MDH2: variants seen among roughly 807,000 people sequenced by gnomAD.
The protein encoded by MDH2 is malate dehydrogenase 2, also known as malate dehydrogenase, mitochondrial.
In MDH2, 25 loss-of-function variants were observed where a neutral mutation model predicts 33.6. The observed-to-expected ratio is 0.74, with a 90% CI of 0.54 to 1.04. The LOEUF is 1.04. MDH2 is among the 50% of genes least tolerant of loss of function. The pLI is 0.00. For missense variants in MDH2, 432 were observed against 445.0 expected (o/e 0.97, Z 0.26); for synonymous variants, 193 against 188.7 (o/e 1.02, Z -0.19).
intron 4 of MDH2, chr7:76,058,324 A>C (rs1797847531): frequency 4.2e-6 from 2 of 478,848 alleles, no homozygotes; most frequent in East Asian, 3.2e-5. Context: ...CTGTGGGCAG[A>C]CCACGTCTCT....
At chr7:76,058,578 G>C (rs1797854718) in intron 4 of MDH2, among the ~76,000 whole-genome samples, 1 of 152,128 alleles carries the variant, frequency 6.6e-6, no homozygotes, top group Non-Finnish European at 1.5e-5. Flanking sequence ...GCATAAACTA[G>C]GCACAGTAAG....
At chr7:76,048,395 G>A (rs1417350088) in intron 1 of MDH2, 169 bp downstream of exon 1, 2 of 1,170,470 alleles carry the variant, frequency 1.7e-6, no homozygotes, top group African/African-American at 3.3e-5. Context: ...CTGGCCTGGA[G>A]GTGCGGGGGA....
chr7:76,050,736 A>T (rs1797597295), intron 1 of MDH2, among the ~76,000 whole-genome samples: 1 of 152,158 alleles, frequency 6.6e-6, no homozygotes. Context: ...AATTCTGGGT[A>T]TTCATTGATG....
At chr7:76,051,330 T>C (rs1289511757) in intron 1 of MDH2, among the ~76,000 whole-genome samples, 1 of 151,194 alleles carries the variant, frequency 6.6e-6, no homozygotes, top group Non-Finnish European at 1.5e-5. Context: ...TTTTTTTTTT[T>C]TTTTTTTTGA....
At chr7:76,058,165 G>C in intron 4 of MDH2, 87 bp downstream of exon 4, 1 of 1,233,998 alleles carries the variant, frequency 8.1e-7, no homozygotes, top group Non-Finnish European at 1.1e-6. Context: ...TGCAGCAAAG[G>C]CTGCTGATGT....
intron 8 of MDH2, chr7:76,065,208 T>C (rs1456581231): frequency 4.8e-6 from 2 of 418,860 alleles, no homozygotes; most frequent in Admixed American, 3.8e-5. Flanking sequence ...TGCAGGAGTA[T>C]TGACTGATAA....
intron 1 of MDH2, among the ~76,000 whole-genome samples, chr7:76,049,249 T>A (rs187369145): frequency 6.6e-6 from 1 of 152,326 alleles, no homozygotes; most frequent in East Asian, 1.9e-4. Flanking sequence ...CGAGTTTAAC[T>A]TTGTGTATTT....
intron 3 of MDH2, among the ~76,000 whole-genome samples, chr7:76,057,727 T>G (rs1797824881): frequency 6.6e-6 from 1 of 152,204 alleles, no homozygotes; most frequent in Admixed American, 6.5e-5. Flanking sequence ...AGTCCCACTC[T>G]ACCTTGGGGG....
intron 3 of MDH2, 62 bp from the exon 4 acceptor site, chr7:76,057,907 A>G (rs1554586495): frequency 1.3e-6 from 2 of 1,516,870 alleles, no homozygotes; most frequent in Non-Finnish European, 1.8e-6. Context: ...CGCTCAGCAC[A>G]TGCTGCCTGT....
chr7:76,056,224 T>C (rs930057314), intron 2 of MDH2, among the ~76,000 whole-genome samples: 1 of 152,218 alleles, frequency 6.6e-6, no homozygotes, highest in African/African-American at 2.4e-5. Flanking sequence ...TCTGTAAATA[T>C]AAATATATTA....
At chr7:76,048,926 A>G (rs1797454206) in intron 1 of MDH2, 5 of 990,262 alleles carry the variant, frequency 5.0e-6, no homozygotes, top group South Asian at 9.6e-5. Flanking sequence ...TGTCAGAATC[A>G]CCAGAAAGCT....
At chr7:76,054,501 A>C (rs1797713446) in intron 1 of MDH2, 1 of 331,200 alleles carries the variant, frequency 3.0e-6, no homozygotes, top group Non-Finnish European at 5.6e-6. Flanking sequence ...GTGTGTGTTT[A>C]TAGTTTATAA....
chr7:76,057,028 G>T (rs1585404763), intron 2 of MDH2, among the ~76,000 whole-genome samples: 2 of 146,324 alleles, frequency 1.4e-5, no homozygotes, highest in South Asian at 4.3e-4. Context: ...AAAAAAAAAG[G>T]AGTTTTCATC....
intron 5 of MDH2, among the ~76,000 whole-genome samples, chr7:76,062,333 G>A (rs1554587135): frequency 6.6e-6 from 1 of 152,224 alleles, no homozygotes; most frequent in Non-Finnish European, 1.5e-5. Context: ...GTATTTGAGG[G>A]CAAGCCTCTG....
chr7:76,058,397 G>A (rs78337848), intron 4 of MDH2, among the ~76,000 whole-genome samples: 2,032 of 152,330 alleles, frequency 0.013, 64 homozygotes, highest in East Asian at 0.12. Context: ...AGCCGTGATT[G>A]TGGTGGTCTC....
chr7:76,057,012 CA>C (rs55681261), intron 2 of MDH2, among the ~76,000 whole-genome samples: 138,403 of 143,718 alleles, frequency 0.96, 66,684 homozygotes, highest in East Asian at 1. Flanking sequence ...GACTCCCTCT[CA>C]AAAAAAAAAA....
chr7:76,050,796 C>T (rs898248195), intron 1 of MDH2, among the ~76,000 whole-genome samples: 8 of 152,164 alleles, frequency 5.3e-5, no homozygotes, highest in Non-Finnish European at 1.5e-5. Context: ...TCGGGGATGA[C>T]ACCAAGGTTT....
chr7:76,061,107 G>C (rs1797934561), intron 5 of MDH2, among the ~76,000 whole-genome samples: 1 of 152,142 alleles, frequency 6.6e-6, no homozygotes, highest in Non-Finnish European at 1.5e-5. Flanking sequence ...GCCAGTGCCG[G>C]GCCTGGAGTC....
At chr7:76,053,123 G>T (rs1270405851) in intron 1 of MDH2, among the ~76,000 whole-genome samples, 3 of 152,206 alleles carry the variant, frequency 2.0e-5, no homozygotes, top group Admixed American at 1.3e-4. Context: ...GGTTGGGAGG[G>T]TGGTTGAGCT....
Sources: gnomAD v4.1 joint callset for allele counts (sites outside exome capture counted in the v4.1 genomes callset) on GRCh38, gnomAD v4.1.1 for gene constraint, MANE v1.5 for transcripts, NCBI Gene and HGNC (gene_info 2026-07-23, HGNC 2026-07-21) for gene names.